The following BTF3L4 variants were observed in gnomAD, a reference collection of about 807,000 sequenced individuals.
The protein encoded by BTF3L4 is transcription factor BTF3 homolog 4.
In BTF3L4, 6 loss-of-function variants were observed where a neutral mutation model predicts 16.8. The ratio of observed to expected loss-of-function variants is 0.36; its 90% CI spans 0.20 to 0.71. The LOEUF (loss-of-function observed/expected upper bound fraction) is 0.71. BTF3L4 is among the 30% of genes least tolerant of loss of function. The probability of loss-of-function intolerance (pLI) is 0.58; values close to 1 mark genes in which losing one functional copy is unlikely to be tolerated. For synonymous variants in BTF3L4, 39 were observed against 59.8 expected, an observed-to-expected ratio of 0.65 and a Z score of 1.60; for missense variants, 92 against 186.9, an observed-to-expected ratio of 0.49 and a Z score of 2.96.
chr1:52,082,715 G>A (rs1344530304), intron 3 of BTF3L4, among the ~76,000 whole-genome samples: 5 of 148,942 alleles, frequency 3.4e-5, no homozygotes, highest in Non-Finnish European at 5.9e-5. Flanking sequence ...CTCTAGCCTG[G>A]ATGACACAGC....
chr1:52,082,114 C>T (rs1643928999), intron 3 of BTF3L4, among the ~76,000 whole-genome samples: 1 of 152,096 alleles, frequency 6.6e-6, no homozygotes, highest in Non-Finnish European at 1.5e-5. Context: ...CCAGGGGAAT[C>T]AACTACATAG....
intron 3 of BTF3L4, among the ~76,000 whole-genome samples, chr1:52,079,863 TTTTCTTTTC>T (rs1643900070): frequency 3.7e-5 from 1 of 27,216 alleles, no homozygotes; most frequent in African/African-American, 5.4e-5. Flanking sequence ...TTTCTTTTTC[TTTTCTTTTC>T]TTTTTTTTTT....
intron 3 of BTF3L4, among the ~76,000 whole-genome samples, chr1:52,069,330 T>C (rs1167278445): frequency 6.6e-6 from 1 of 152,142 alleles, no homozygotes; most frequent in Admixed American, 6.6e-5. Flanking sequence ...ATCTGAAATA[T>C]TCCTCTTTGG....
At chr1:52,085,705 C>G (rs539847323) in intron 4 of BTF3L4, among the ~76,000 whole-genome samples, 26 of 152,030 alleles carry the variant, frequency 1.7e-4, no homozygotes, top group Non-Finnish European at 3.4e-4. Context: ...CAAAAATTAG[C>G]TGGGTATGGT....
chr1:52,084,510 G>A (rs1233730033), intron 4 of BTF3L4, among the ~76,000 whole-genome samples: 1 of 152,044 alleles, frequency 6.6e-6, no homozygotes, highest in African/African-American at 2.4e-5. Flanking sequence ...ACTGTTATAT[G>A]GCTGGGCGCA....
intron 5 of BTF3L4, chr1:52,086,431 A>G: frequency 2.0e-6 from 1 of 488,590 alleles, no homozygotes; most frequent in Non-Finnish European, 3.6e-6. Flanking sequence ...AGCTATTGTT[A>G]TAACATTTCT....
At position 52,086,756 on chromosome 1, in the gene BTF3L4, TAA is replaced by T; in HGVS notation, c.*1_*2del. 3 of 1,597,318 alleles carry T rather than the reference TAA, an allele frequency of 1.9e-6. No individual in the cohort carries two copies. The highest frequency in any genetic ancestry group is 2.6e-6 in the Non-Finnish European group (3 of 1,173,370). On this transcript the variant is annotated frameshift_variant and stop_lost, in exon 6 of 6. Coordinates refer to ENST00000313334, the MANE Select transcript of BTF3L4 (RefSeq NM_152265.5). LOFTEE classifies it high-confidence loss of function. ...FDEASKNEAN[*>X] ...TGAGGCATCAAAGAATGAAGCTAACTAAAAGTTTGGTTTTTGGAAGCTGGCAT... is the reference window on the plus strand; with the variant it reads ...TGAGGCATCAAAGAATGAAGCTAACTAAGTTTGGTTTTTGGAAGCTGGCAT...
chr1:52,073,476 ACTATATATATGC>A (rs1686846135), intron 3 of BTF3L4, among the ~76,000 whole-genome samples: 1 of 133,472 alleles, frequency 7.5e-6, no homozygotes, highest in Admixed American at 8.4e-5. Context: ...ATATATATGC[ACTATATATATGC>A]TACATACACA....
At position 52,090,336 on chromosome 1, in the gene BTF3L4, T is replaced by G. The variant is rs1644007823; in HGVS notation, c.*3578T>G. ...AGCGTGTTATCTCCTAAGCTATGGC[T>G]TAGATTTTCCGAAGCTCATGGTTCT... On this transcript the variant is annotated 3_prime_UTR_variant, in exon 6 of 6. Transcript: ENST00000313334. The G allele has an allele frequency of 6.6e-6, 1 of 152,208 alleles. No individual in the cohort carries two copies. Among genetic ancestry groups the G allele is most frequent in the Admixed American group, 6.5e-5 (1 of 15,270 alleles). 9.4% of individuals were successfully genotyped at this position (152,208 alleles called of 1,614,324 possible). A position where few individuals can be genotyped will look rare whatever the true frequency, so the allele number is the denominator to read the frequency against.
chr1:52,074,519 A>C (rs1686879996), intron 3 of BTF3L4, among the ~76,000 whole-genome samples: 1 of 152,194 alleles, frequency 6.6e-6, no homozygotes, highest in South Asian at 2.1e-4. Flanking sequence ...ATGCACCACC[A>C]TGCCCGGCTA....
Position 52,083,545 on chromosome 1 carries a change from G to A in BTF3L4, c.370+4G>A, listed in dbSNP as rs755036545. 6.2e-7 allele frequency: 1 copy of A among 1,609,792 alleles called. No homozygotes were observed. The highest frequency in any genetic ancestry group is 1.1e-5 in the South Asian group (1 of 90,658). ...GCTGAACAGTTCCCACGGCAAGGTA[G>A]GTATTTCAATTTAGTAAATCTTTCT... is the stretch of plus-strand genomic sequence containing the variant. On this transcript the variant is annotated splice_donor_region_variant and intron_variant, in intron 4 of 5. Coordinates refer to ENST00000313334, the MANE Select transcript of BTF3L4 (RefSeq NM_152265.5).
chr1:52,072,262 G>T (rs1686810584), intron 3 of BTF3L4, among the ~76,000 whole-genome samples: 1 of 151,940 alleles, frequency 6.6e-6, no homozygotes, highest in Admixed American at 6.6e-5. Context: ...CACCATGTTA[G>T]CCAGGATGGT....
At chr1:52,075,455 G>A (rs1466138750) in intron 3 of BTF3L4, among the ~76,000 whole-genome samples, 1 of 149,750 alleles carries the variant, frequency 6.7e-6, no homozygotes, top group Non-Finnish European at 1.5e-5. Flanking sequence ...CCAAGAGGCA[G>A]AGGTTGCAGT....
chr1:52,061,487 CAAAAAAAA>C (rs1169709967), intron 2 of BTF3L4, among the ~76,000 whole-genome samples: 1 of 48,186 alleles, frequency 2.1e-5, no homozygotes. Context: ...GACTCCGTCT[CAAAAAAAA>C]AAAAAAAAAA....
intron 3 of BTF3L4, among the ~76,000 whole-genome samples, chr1:52,071,670 A>T (rs1026530321): frequency 1.3e-5 from 2 of 152,184 alleles, no homozygotes; most frequent in Non-Finnish European, 2.9e-5. Flanking sequence ...TGGACACATA[A>T]GTTTTACTTT....
chr1:52,079,062 A>T (rs1687001123), intron 3 of BTF3L4, among the ~76,000 whole-genome samples: 1 of 152,208 alleles, frequency 6.6e-6, no homozygotes, highest in Non-Finnish European at 1.5e-5. Flanking sequence ...TTATGACTTT[A>T]ACAAGTTCCT....
In BTF3L4 at chr1:52,087,057, G is replaced by A. The variant is rs1368226752; in HGVS notation, c.*299G>A. The A allele has an allele frequency of 3.7e-6, 1 of 273,832 alleles. No homozygotes were observed. Among genetic ancestry groups the A allele is most frequent in the Non-Finnish European group, 6.8e-6 (1 of 146,634 alleles). 17.0% of individuals were successfully genotyped at this position (273,832 alleles called of 1,614,324 possible). A position where few individuals can be genotyped will look rare whatever the true frequency, so the allele number is the denominator to read the frequency against. On this transcript the variant is annotated 3_prime_UTR_variant, in exon 6 of 6. Coordinates refer to ENST00000313334, the MANE Select transcript of BTF3L4 (RefSeq NM_152265.5). ...GTATTTTTGGTGTATGTATGTTTAT[G>A]TATGTGTGTGGGTATGTGTGTATAC... is the stretch of plus-strand genomic sequence containing the variant.
chr1:52,060,698 G>A lies in BTF3L4; in HGVS notation c.54+797G>A, dbSNP rs1465654656. ...TACTTTTTGTAGTGGGTCCCACTGT[G>A]TCATTTACACTGATGATAACCACAG... is the stretch of plus-strand genomic sequence containing the variant. On this transcript the variant is annotated intron_variant, in intron 2 of 5. Coordinates refer to ENST00000313334, the MANE Select transcript of BTF3L4 (RefSeq NM_152265.5). 6.8e-6 allele frequency: 6 copies of A among 884,756 alleles called. No homozygotes were observed. In the East Asian group the frequency reaches 5.0e-4, roughly 73 times the overall value. 54.8% of individuals were successfully genotyped at this position (884,756 alleles called of 1,614,324 possible). A position where few individuals can be genotyped will look rare whatever the true frequency, so the allele number is the denominator to read the frequency against.
At position 52,058,828 on chromosome 1, in the gene BTF3L4, G is replaced by C. The variant is rs528145427; in HGVS notation, c.-13-1007G>C. Reference sequence around the variant, plus strand: ...TTGGTCAGGCTGGCCTCGAACTCCCGACCTCAGGTGATCCATCCGCCTCGG... The same window carrying C: ...TTGGTCAGGCTGGCCTCGAACTCCCCACCTCAGGTGATCCATCCGCCTCGG... On this transcript the variant is annotated intron_variant, in intron 1 of 5. Transcript: ENST00000313334. Among the ~76,000 whole-genome samples, 7 of 152,210 alleles carry C rather than the reference G, an allele frequency of 4.6e-5. No individual in the cohort carries two copies. In the East Asian group the frequency reaches 1.2e-3, roughly 25 times the overall value.
Sources: allele counts gnomAD v4.1 joint callset (sites outside exome capture counted in the v4.1 genomes callset), GRCh38; gene constraint gnomAD v4.1.1; transcripts MANE v1.5; gene names NCBI Gene and HGNC (gene_info 2026-07-23, HGNC 2026-07-21).